The following FAM53A variants were observed in gnomAD, a reference collection of about 807,000 sequenced individuals.
The protein encoded by FAM53A is family with sequence similarity 53 member A, also known as protein FAM53A.
FAM53A carries 28 observed loss-of-function variants against 26.6 expected under a neutral mutation model. That is an observed-to-expected ratio of 1.05 (90% CI 0.78 to 1.45). The LOEUF (loss-of-function observed/expected upper bound fraction) is 1.45, where lower values mean the gene tolerates loss of function less well. Ranked by LOEUF, FAM53A falls within the 40% of genes most tolerant of loss-of-function variation. The pLI, the probability that FAM53A is intolerant of heterozygous loss-of-function variation, is 0.00. For synonymous variants in FAM53A, 290 were observed against 253.1 expected (o/e 1.15, Z -1.38); for missense variants, 650 against 575.8 (o/e 1.13, Z -1.32).
intron 1 of FAM53A, among the ~76,000 whole-genome samples, chr4:1,625,990 C>G (rs1390574211): frequency 6.6e-6 from 1 of 152,216 alleles, no homozygotes; most frequent in Non-Finnish European, 1.5e-5. Flanking sequence ...TCCACAGGAT[C>G]CTCTGCAGAG....
At chr4:1,635,836 C>CTT (rs141715501), downstream of FAM53A, among the ~76,000 whole-genome samples, 1,332 of 81,484 alleles carry the variant, frequency 0.016, 2 homozygotes, top group East Asian at 0.029. Context: ...AATACTAATT[C>CTT]TTTTTTTTTT....
chr4:1,672,942 G>T (rs1203181374), intron 1 of FAM53A, among the ~76,000 whole-genome samples: 1 of 151,818 alleles, frequency 6.6e-6, no homozygotes, highest in African/African-American at 2.4e-5. Context: ...GCTAATTTTT[G>T]TATTTGTAGT....
At chr4:1,629,491 G>A (rs529472526) in intron 1 of FAM53A, among the ~76,000 whole-genome samples, 7 of 152,320 alleles carry the variant, frequency 4.6e-5, no homozygotes, top group Non-Finnish European at 7.4e-5. Context: ...AGACATGTCC[G>A]TCCTGAGGGC....
Position 1,641,487 on chromosome 4 carries a change from T to G in FAM53A, c.1003A>C (p.Met335Leu), listed in dbSNP as rs769929489. ...AGGCCCCTCTGGCTGCAGCCAGGCA[T>G]GGTGATGCCAGGGAGGCCCCGGGAG... ...CDSRGLPGIT[M>L]PGCSQRGLRT... The change falls in exon 5 of 5, where the codon ATG becomes CTG. Residue 335 changes from methionine (M) to leucine (L), a missense_variant. Coordinates refer to ENST00000308132, the MANE Select transcript of FAM53A (RefSeq NM_001174070.3). 6.2e-7 allele frequency: 1 copy of G among 1,614,034 alleles called. No individual in the cohort carries two copies. Among genetic ancestry groups the G allele is most frequent in the Non-Finnish European group, 8.5e-7 (1 of 1,180,014 alleles).
At chr4:1,587,442 C>A in the FAM53A span, among the ~76,000 whole-genome samples, 1 of 152,166 alleles carries the variant, frequency 6.6e-6, no homozygotes, top group African/African-American at 2.4e-5. Flanking sequence ...AAGGCCGAGG[C>A]AGGCAGATCA....
At chr4:1,675,973 G>A (rs1419158724) in intron 1 of FAM53A, among the ~76,000 whole-genome samples, 3 of 152,214 alleles carry the variant, frequency 2.0e-5, no homozygotes, top group Non-Finnish European at 2.9e-5. Context: ...AAATGCCCTC[G>A]GCTGGCGGCT....
At chr4:1,680,808 C>A (rs768329807) in intron 1 of FAM53A, among the ~76,000 whole-genome samples, 3 of 149,054 alleles carry the variant, frequency 2.0e-5, no homozygotes, top group East Asian at 1.9e-4. Context: ...AAAAAAAAAA[C>A]CGTGGCTGCC....
At chr4:1,618,687 G>C (rs893402957) in intron 1 of FAM53A, among the ~76,000 whole-genome samples, 1 of 152,164 alleles carries the variant, frequency 6.6e-6, no homozygotes, top group Non-Finnish European at 1.5e-5. Context: ...CCATGCCGCC[G>C]GCCTCCCAGG....
At chr4:1,680,319 CAAAAA>C (rs143458191) in intron 1 of FAM53A, among the ~76,000 whole-genome samples, 13 of 82,662 alleles carry the variant, frequency 1.6e-4, no homozygotes, top group African/African-American at 7.8e-4. Context: ...AACTCCGTCT[CAAAAA>C]AAAAAAAAAA....
intron 1 of FAM53A, among the ~76,000 whole-genome samples, chr4:1,681,336 G>A (rs1715423666): frequency 6.6e-6 from 1 of 152,018 alleles, no homozygotes; most frequent in African/African-American, 2.4e-5. Flanking sequence ...GACCTCAGGT[G>A]ACCTACCCAC....
chr4:1,577,312 T>G, the FAM53A span, among the ~76,000 whole-genome samples: 1 of 152,190 alleles, frequency 6.6e-6, no homozygotes, highest in Admixed American at 6.5e-5. Flanking sequence ...CCTTGGGCCC[T>G]GGAGGTCCTC....
At chr4:1,574,407 C>G in the FAM53A span, 1 of 152,532 alleles carries the variant, frequency 6.6e-6, no homozygotes, top group African/African-American at 2.4e-5. Flanking sequence ...TCCCCTCCCA[C>G]CAGGGTCAAA....
intron 1 of FAM53A, among the ~76,000 whole-genome samples, chr4:1,678,505 G>A (rs1715192281): frequency 6.6e-6 from 1 of 152,204 alleles, no homozygotes; most frequent in African/African-American, 2.4e-5. Flanking sequence ...AAGTGCTGCT[G>A]AAAAACTAGA....
intron 4 of FAM53A, chr4:1,644,128 C>A: frequency 2.0e-6 from 3 of 1,509,984 alleles, no homozygotes; most frequent in Non-Finnish European, 2.7e-6. Flanking sequence ...GGATGGCCTC[C>A]AATCCACAGC....
chr4:1,619,903 C>A (rs982527804), intron 1 of FAM53A, among the ~76,000 whole-genome samples: 2 of 152,204 alleles, frequency 1.3e-5, no homozygotes, highest in Non-Finnish European at 2.9e-5. Flanking sequence ...TCCACATTTC[C>A]TTATACTTTA....
At chr4:1,662,817 T>C (rs1275033156) in intron 2 of FAM53A, among the ~76,000 whole-genome samples, 1 of 151,514 alleles carries the variant, frequency 6.6e-6, no homozygotes. Context: ...GAAATGAAAA[T>C]CAGAACCACA....
At chr4:1,666,263 T>G (rs1714222715) in intron 2 of FAM53A, among the ~76,000 whole-genome samples, 1 of 125,944 alleles carries the variant, frequency 7.9e-6, no homozygotes, top group Non-Finnish European at 1.6e-5. Flanking sequence ...ACACCCTGTA[T>G]CTAAAATAAA....
At position 1,655,489 on chromosome 4, in the gene FAM53A, A is replaced by G. The variant is rs1014144415; in HGVS notation, c.371T>C (p.Leu124Ser). Residue 124 changes from leucine (L) to serine (S), a missense_variant, in exon 4 of 5, where the codon TTG becomes TCG. Coordinates refer to ENST00000308132, the MANE Select transcript of FAM53A (RefSeq NM_001174070.3). The stretch of plus-strand genomic sequence containing the variant: ...GCGCACAAGCTCCTCGGGTTCTGAC[A>G]AGGACCGGCAATGCCGCTTGGTCGG... Reference protein sequence around the residue: ...APPTKRHCRSLSEPEELVRCR... With the variant: ...APPTKRHCRSSSEPEELVRCR... 2 of 1,574,980 alleles carry G rather than the reference A, an allele frequency of 1.3e-6. No individual in the cohort carries two copies. Among genetic ancestry groups the G allele is most frequent in the Non-Finnish European group, 1.7e-6 (2 of 1,159,046 alleles).
chr4:1,606,182 G>A, the FAM53A span, among the ~76,000 whole-genome samples: 1 of 151,912 alleles, frequency 6.6e-6, no homozygotes, highest in African/African-American at 2.4e-5. Flanking sequence ...GGGACTACAG[G>A]CGCCTGCCAC....
Sources: allele counts gnomAD v4.1 joint callset (sites outside exome capture counted in the v4.1 genomes callset), GRCh38; gene constraint gnomAD v4.1.1; transcripts MANE v1.5; gene names NCBI Gene and HGNC (gene_info 2026-07-23, HGNC 2026-07-21).